The following RABGAP1L variants were observed in gnomAD, a reference collection of about 807,000 sequenced individuals.
RABGAP1L encodes rab GTPase-activating protein 1-like.
A neutral mutation model predicts 137.7 loss-of-function variants in RABGAP1L; 63 were observed. The observed-to-expected ratio is 0.46, with a 90% confidence interval of 0.37 to 0.56. RABGAP1L has a LOEUF of 0.56. RABGAP1L is among the 20% of genes least tolerant of loss of function. RABGAP1L has a pLI of 0.00. For synonymous variants in RABGAP1L, 431 were observed against 433.7 expected, an observed-to-expected ratio of 0.99 and a Z score of 0.08; for missense variants, 1,095 against 1,244.0, an observed-to-expected ratio of 0.88 and a Z score of 1.80.
intron 1 of RABGAP1L, among the ~76,000 whole-genome samples, chr1:174,172,045 A>G (rs919890503): frequency 6.6e-6 from 1 of 152,052 alleles, no homozygotes. Flanking sequence ...TTCATATATA[A>G]ATGAGATCAT....
intron 10 of RABGAP1L, among the ~76,000 whole-genome samples, chr1:174,299,326 G>C (rs1677435731): frequency 6.6e-6 from 1 of 152,192 alleles, no homozygotes; most frequent in South Asian, 2.1e-4. Flanking sequence ...CTGTTAGCAA[G>C]TGACATTCTT....
intron 13 of RABGAP1L, among the ~76,000 whole-genome samples, chr1:174,598,448 C>T (rs1434622063): frequency 1.3e-5 from 2 of 151,796 alleles, no homozygotes; most frequent in Non-Finnish European, 2.9e-5. Context: ...GTGCTAAGTC[C>T]AATTTTTTTG....
Position 174,448,212 on chromosome 1 carries a change from A to G in RABGAP1L, c.1710+54067A>G. 2.5e-6 allele frequency: 4 copies of G among 1,613,932 alleles called. No homozygotes were observed. Among genetic ancestry groups the G allele is most frequent in the East Asian group, 2.2e-5 (1 of 44,856 alleles). On this transcript the variant is annotated intron_variant, in intron 13 of 25. Transcript: ENST00000681986. The surrounding 1 kb of genome is among the most constrained non-coding windows in gnomAD (Gnocchi z 4.2). ...TCCTGCCCACTTGGATTTGGCCACTACAGTGTGGTGGATGTCTGCATCTTC... is the reference window on the plus strand; with the variant it reads ...TCCTGCCCACTTGGATTTGGCCACTGCAGTGTGGTGGATGTCTGCATCTTC...
At chr1:174,562,241 CAT>C (rs1359521520) in intron 13 of RABGAP1L, among the ~76,000 whole-genome samples, 8 of 152,220 alleles carry the variant, frequency 5.3e-5, no homozygotes, top group East Asian at 1.9e-4. Context: ...AGCCAACAAA[CAT>C]ATGAAAAAAA....
intron 19 of RABGAP1L, among the ~76,000 whole-genome samples, chr1:174,912,997 A>T (rs1285327790): frequency 4.0e-5 from 6 of 148,608 alleles, no homozygotes; most frequent in Admixed American, 2.0e-4. Context: ...TTTTTTTGAG[A>T]TGAAGTCTCA....
At chr1:174,726,918 G>T (rs982368337) in intron 17 of RABGAP1L, among the ~76,000 whole-genome samples, 1 of 151,976 alleles carries the variant, frequency 6.6e-6, no homozygotes, top group Admixed American at 6.6e-5. Flanking sequence ...ACAAGATTTT[G>T]GTACTCATCG....
At chr1:174,355,545 A>C (rs1018982184) in intron 11 of RABGAP1L, among the ~76,000 whole-genome samples, 1 of 151,856 alleles carries the variant, frequency 6.6e-6, no homozygotes, top group Non-Finnish European at 1.5e-5. Flanking sequence ...GCACACCAAC[A>C]TGGCACATGT....
chr1:174,383,167 G>A (rs1203463248), intron 12 of RABGAP1L, among the ~76,000 whole-genome samples: 11 of 150,432 alleles, frequency 7.3e-5, no homozygotes, highest in Non-Finnish European at 1.2e-4. Flanking sequence ...CCAGCTGCGT[G>A]CTGGGAGAAC....
chr1:174,659,200 T>A (rs931581014), intron 14 of RABGAP1L, among the ~76,000 whole-genome samples: 7 of 150,490 alleles, frequency 4.7e-5, no homozygotes, highest in Non-Finnish European at 1.0e-4. Flanking sequence ...TATTTTTACC[T>A]GTGTGTTACC....
intron 12 of RABGAP1L, among the ~76,000 whole-genome samples, chr1:174,382,849 GGA>G (rs1383317711): frequency 1.3e-5 from 2 of 152,036 alleles, no homozygotes; most frequent in Middle Eastern, 3.2e-3. Flanking sequence ...GCGTTCCTTT[GGA>G]GGAGGAGAGA....
chr1:174,225,946 G>T (rs1670138904), intron 3 of RABGAP1L, among the ~76,000 whole-genome samples: 1 of 152,072 alleles, frequency 6.6e-6, no homozygotes, highest in Non-Finnish European at 1.5e-5. Flanking sequence ...TTTTCCTCCA[G>T]ATTGTAGATG....
At chr1:174,454,089 C>T (rs948468022) in intron 13 of RABGAP1L, among the ~76,000 whole-genome samples, 2 of 152,062 alleles carry the variant, frequency 1.3e-5, no homozygotes, top group Non-Finnish European at 2.9e-5. Flanking sequence ...ATGGTGAAAT[C>T]CCATCTCTAC....
chr1:174,570,903 C>T (rs1318307853), intron 13 of RABGAP1L, among the ~76,000 whole-genome samples: 1 of 152,086 alleles, frequency 6.6e-6, no homozygotes, highest in Non-Finnish European at 1.5e-5. Context: ...TATGATGCAC[C>T]AATTCCACTG....
At chr1:174,443,928 G>A (rs1654439620) in intron 13 of RABGAP1L, among the ~76,000 whole-genome samples, 1 of 151,982 alleles carries the variant, frequency 6.6e-6, no homozygotes, top group African/African-American at 2.4e-5. Flanking sequence ...AGCATTGATG[G>A]AAGACACTGT....
chr1:174,498,502 T>G (rs1036927246), intron 13 of RABGAP1L, among the ~76,000 whole-genome samples: 4 of 151,990 alleles, frequency 2.6e-5, no homozygotes, highest in African/African-American at 9.7e-5. Flanking sequence ...TATTTTTTAT[T>G]TTTTATTTTT....
chr1:174,530,065 T>A (rs1340036891), intron 13 of RABGAP1L, among the ~76,000 whole-genome samples: 1 of 151,682 alleles, frequency 6.6e-6, no homozygotes, highest in African/African-American at 2.4e-5. Context: ...ACCGTCAGGA[T>A]GCTCAGCTGG....
intron 13 of RABGAP1L, among the ~76,000 whole-genome samples, chr1:174,438,166 G>A (rs1297143397): frequency 2.0e-5 from 3 of 152,146 alleles, no homozygotes; most frequent in Non-Finnish European, 4.4e-5. Flanking sequence ...ATCAACTAAC[G>A]AGCAAGATCT....
At chr1:174,833,445 T>G (rs1347028665) in intron 19 of RABGAP1L, among the ~76,000 whole-genome samples, 3 of 43,030 alleles carry the variant, frequency 7.0e-5, no homozygotes, top group Admixed American at 3.7e-4. Context: ...TGTGTGTGTG[T>G]AGAGATATAT....
rs116545606 is a variant in RABGAP1L, at chr1:174,355,714, C to T, written c.1466-15265C>T. Among the ~76,000 whole-genome samples, 582 of 151,982 alleles carry T rather than the reference C, an allele frequency of 3.8e-3. 4 individuals carry two copies. Among genetic ancestry groups the T allele is most frequent in the African/African-American group, 0.012 (499 of 41,438 alleles). ...TGCCCTAGGTCTCGAGTATTTTTGA[C>T]GGGTTTCAATGATTAATGATACGTT... is the stretch of plus-strand genomic sequence containing the variant. On this transcript the variant is annotated intron_variant, in intron 11 of 25. Coordinates refer to ENST00000681986, the MANE Select transcript of RABGAP1L (RefSeq NM_001366446.1).
Sources: allele counts gnomAD v4.1 joint callset (sites outside exome capture counted in the v4.1 genomes callset), GRCh38; gene constraint gnomAD v4.1.1; non-coding constraint Gnocchi (gnomAD v3.1); transcripts MANE v1.5; gene names NCBI Gene and HGNC (gene_info 2026-07-23, HGNC 2026-07-21).